ELFN2: variants seen among roughly 807,000 people sequenced by gnomAD.
The protein encoded by ELFN2 is extracellular leucine rich repeat and fibronectin type III domain containing 2.
ELFN2 carries 17 observed loss-of-function variants against 45.5 expected under a neutral mutation model. The observed-to-expected ratio is 0.37, with a 90% confidence interval of 0.26 to 0.56. ELFN2 has a LOEUF of 0.56. Among genes scored for constraint, ELFN2 ranks in the 20% least tolerant of loss-of-function variants. The pLI, the probability that ELFN2 is intolerant of heterozygous loss-of-function variation, is 0.77. For synonymous variants in ELFN2, 550 were observed against 551.5 expected (o/e 1.00, Z 0.04); for missense variants, 922 against 1,183.2 (o/e 0.78, Z 3.24).
intron 1 of ELFN2, among the ~76,000 whole-genome samples, chr22:37,361,185 A>G (rs1931077371): frequency 6.6e-6 from 1 of 152,164 alleles, no homozygotes; most frequent in African/African-American, 2.4e-5. Flanking sequence ...AAGACTTGTG[A>G]GTTGACCCTC....
intron 2 of ELFN2, among the ~76,000 whole-genome samples, chr22:37,380,836 G>C (rs961115368): frequency 6.6e-6 from 1 of 152,176 alleles, no homozygotes; most frequent in Admixed American, 6.5e-5. Context: ...GACTCAAGCC[G>C]GGGGTCTGAA....
chr22:37,400,250 C>T (rs1272647503), intron 2 of ELFN2, among the ~76,000 whole-genome samples: 1 of 152,152 alleles, frequency 6.6e-6, no homozygotes, highest in Non-Finnish European at 1.5e-5. Flanking sequence ...CACTCCGGTC[C>T]AATCAGACTT....
At chr22:37,389,793 T>C (rs908459038) in intron 2 of ELFN2, among the ~76,000 whole-genome samples, 1 of 152,110 alleles carries the variant, frequency 6.6e-6, no homozygotes, top group African/African-American at 2.4e-5. Context: ...GACCCCATCT[T>C]CCTGTCTGCG....
intron 2 of ELFN2, among the ~76,000 whole-genome samples, chr22:37,381,970 A>G (rs1931790929): frequency 7.0e-6 from 1 of 143,552 alleles, no homozygotes; most frequent in Non-Finnish European, 1.5e-5. Context: ...AAAAAAAAAA[A>G]AAAAAAAAAA....
At position 37,405,091 on chromosome 22, in the gene ELFN2, T is replaced by C. The variant is rs896294531; in HGVS notation, c.-463+12678A>G. ...CCCCTCACCTCCCTGAACCTCAGCA[T>C]TTTTTTTTTTTTTTTTTTTTTGAGA... is the stretch of plus-strand genomic sequence containing the variant. On this transcript the variant is annotated intron_variant, in intron 2 of 2. Coordinates refer to ENST00000402918, the MANE Select transcript of ELFN2 (RefSeq NM_052906.5). Among the ~76,000 whole-genome samples the C allele has an allele frequency of 6.3e-5, 6 of 95,696 alleles. No individual in the cohort carries two copies. The East Asian group carries it at 1.2e-3, about 19-fold the overall frequency. 62.8% of individuals were successfully genotyped at this position (95,696 alleles called of 152,430 possible).
chr22:37,388,966 G>A (rs970416256), intron 2 of ELFN2, among the ~76,000 whole-genome samples: 6 of 152,234 alleles, frequency 3.9e-5, no homozygotes, highest in South Asian at 2.1e-4. Context: ...AGAGGTCACA[G>A]AGAATAGGAA....
intron 2 of ELFN2, among the ~76,000 whole-genome samples, chr22:37,410,566 G>C (rs560832867): frequency 2.8e-4 from 42 of 152,202 alleles, no homozygotes; most frequent in African/African-American, 1.0e-3. Flanking sequence ...GCCCAGCCAG[G>C]AACTCACTCC....
intron 1 of ELFN2, among the ~76,000 whole-genome samples, chr22:37,357,513 C>G (rs1354499426): frequency 1.3e-5 from 2 of 152,198 alleles, no homozygotes; most frequent in Non-Finnish European, 2.9e-5. Flanking sequence ...CCTTTTCTTA[C>G]TGATTTTTAG....
At chr22:37,344,281 A>G (rs142659937) in intron 1 of ELFN2, among the ~76,000 whole-genome samples, 6,082 of 143,308 alleles carry the variant, frequency 0.042, 186 homozygotes, top group Middle Eastern at 0.13. Context: ...GGCAGCCACC[A>G]ACCCTCCCAC....
rs766831194 is a variant in ELFN2 at position 37,375,513 on chromosome 22, C to T, written c.22G>A (p.Ala8Thr). The change falls in exon 3 of 3, where the codon GCG becomes ACG. Residue 8 changes from alanine to threonine, a missense_variant. Coordinates refer to ENST00000402918, the MANE Select transcript of ELFN2 (RefSeq NM_052906.5). ...CGGCACACGCACAGCAGCGCCGCCG[C>T]GCACAGCCCCAGGCGCAGCATGGCG... MLRLGLC[A>T]AALLCVCRPG... is the part of the protein sequence containing the mutation. The T allele has an allele frequency of 1.9e-6, 3 of 1,564,688 alleles. No individual in the cohort carries two copies. The highest frequency in any genetic ancestry group is 1.2e-5 in the South Asian group (1 of 86,214).
chr22:37,352,502 CAGAGTG>C (rs1930845982), intron 1 of ELFN2: 1 of 150,940 alleles, frequency 6.6e-6, no homozygotes, highest in African/African-American at 2.4e-5. Flanking sequence ...GGAAAGAAAA[CAGAGTG>C]AGGGGATGCT....
downstream of ELFN2, among the ~76,000 whole-genome samples, chr22:37,365,141 C>G (rs1931175098): frequency 6.6e-6 from 1 of 152,128 alleles, no homozygotes; most frequent in African/African-American, 2.4e-5. Flanking sequence ...GGGCCTGGGG[C>G]TGAGTGCCTG....
intron 2 of ELFN2, among the ~76,000 whole-genome samples, chr22:37,379,643 T>C (rs568945037): frequency 2.0e-5 from 3 of 152,250 alleles, no homozygotes; most frequent in East Asian, 3.9e-4. Flanking sequence ...CTGTAGGACG[T>C]CCCCTCTCAT....
intron 1 of ELFN2, among the ~76,000 whole-genome samples, chr22:37,361,758 A>G (rs58327731): frequency 0.35 from 52,939 of 151,950 alleles, 9,516 homozygotes; most frequent in South Asian, 0.5. Context: ...AAACTGTTAG[A>G]ATATCCTCCT....
chr22:37,361,083 C>T (rs1035495138), intron 1 of ELFN2, among the ~76,000 whole-genome samples: 4 of 152,118 alleles, frequency 2.6e-5, no homozygotes, highest in African/African-American at 4.8e-5. Context: ...AGCCACATCC[C>T]GGCAGCTCCC....
intron 1 of ELFN2, among the ~76,000 whole-genome samples, chr22:37,349,082 G>A (rs1930763329): frequency 6.6e-6 from 1 of 151,280 alleles, no homozygotes. Context: ...GCGCTAGCCT[G>A]GGCTGGGCCG....
intron 2 of ELFN2, among the ~76,000 whole-genome samples, chr22:37,391,418 A>G (rs1932083855): frequency 6.6e-6 from 1 of 152,164 alleles, no homozygotes; most frequent in Non-Finnish European, 1.5e-5. Flanking sequence ...CACCACGCAC[A>G]GGGCCATGAC....
rs922146143 is a variant in ELFN2 at position 37,371,351 on chromosome 22, T to C, written c.*1721A>G. 6 of 152,164 alleles carry C rather than the reference T, an allele frequency of 3.9e-5. No individual in the cohort carries two copies. The highest frequency in any genetic ancestry group is 1.4e-4 in the African/African-American group (6 of 41,394). The allele number at this position is 152,164 out of a possible 1,614,324, so 9.4% of individuals were successfully genotyped here. A position where few individuals can be genotyped will look rare whatever the true frequency, so the allele number is the denominator to read the frequency against. On this transcript the variant is annotated 3_prime_UTR_variant, in exon 3 of 3. Coordinates refer to ENST00000402918, the MANE Select transcript of ELFN2 (RefSeq NM_052906.5). The surrounding 1 kb of genome is among the most constrained non-coding windows in gnomAD (Gnocchi z 6.4). The stretch of plus-strand genomic sequence containing the variant: ...CCCATGTGGGCCACAGGCCCTAGAC[T>C]GGGGGTCTCTGGCAGGGGCGTGGGG...
chr22:37,390,645 A>G (rs1005031917), intron 2 of ELFN2, among the ~76,000 whole-genome samples: 2 of 152,112 alleles, frequency 1.3e-5, no homozygotes, highest in African/African-American at 4.8e-5. Flanking sequence ...GTTAATATAG[A>G]TCAGTAGAGA....
Sources: gnomAD v4.1 joint callset for allele counts (sites outside exome capture counted in the v4.1 genomes callset) on GRCh38, gnomAD v4.1.1 for gene constraint, Gnocchi (gnomAD v3.1) non-coding constraint, MANE v1.5 for transcripts, NCBI Gene and HGNC (gene_info 2026-07-23, HGNC 2026-07-21) for gene names.